The following KYAT3 variants were observed in gnomAD, a reference collection of about 807,000 sequenced individuals.
The protein encoded by KYAT3 is kynurenine--oxoglutarate transaminase 3.
KYAT3 carries 50 observed loss-of-function variants against 59.0 expected under a neutral mutation model. The ratio of observed to expected loss-of-function variants is 0.85; its 90% confidence interval spans 0.68 to 1.07. The LOEUF (loss-of-function observed/expected upper bound fraction) is 1.07. Among genes scored for constraint, KYAT3 ranks in the 50% least tolerant of loss-of-function variants. KYAT3 has a pLI of 0.00. For synonymous variants in KYAT3, 148 were observed against 177.0 expected (o/e 0.84, Z 1.30); for missense variants, 497 against 533.3 (o/e 0.93, Z 0.67).
chr1:88,946,325 ATT>A (rs11321436), intron 11 of KYAT3, among the ~76,000 whole-genome samples: 435 of 147,700 alleles, frequency 2.9e-3, no homozygotes, highest in Admixed American at 3.3e-3. Flanking sequence ...TGTGTAACTG[ATT>A]TTTTTTTTTT....
At chr1:88,958,503 C>T (rs1405038535) in intron 8 of KYAT3, among the ~76,000 whole-genome samples, 1 of 151,810 alleles carries the variant, frequency 6.6e-6, no homozygotes, top group South Asian at 2.1e-4. Context: ...AGTAAGCTCA[C>T]TGGCACTCTG....
chr1:88,924,287 G>T, the KYAT3 span, among the ~76,000 whole-genome samples: 7 of 152,212 alleles, frequency 4.6e-5, no homozygotes, highest in African/African-American at 1.7e-4. Context: ...TCACAAGGAG[G>T]CACACACTCT....
intron 2 of KYAT3, among the ~76,000 whole-genome samples, chr1:88,986,244 C>G (rs1232821254): frequency 6.6e-6 from 1 of 150,634 alleles, no homozygotes; most frequent in Non-Finnish European, 1.5e-5. Flanking sequence ...AAGGACAGAC[C>G]TAAGGAAAAG....
intron 9 of KYAT3, among the ~76,000 whole-genome samples, chr1:88,954,186 C>T (rs1675809443): frequency 1.3e-5 from 2 of 152,208 alleles, no homozygotes; most frequent in South Asian, 4.1e-4. Flanking sequence ...GCGTGCGCTA[C>T]CACGCCTGGC....
At chr1:88,984,073 T>C in intron 2 of KYAT3, 1 of 567,830 alleles carries the variant, frequency 1.8e-6, no homozygotes. Flanking sequence ...GTTCCTGTAA[T>C]GGTGGAAGAA....
intron 2 of KYAT3, chr1:88,981,225 T>C (rs1273582440): frequency 6.6e-6 from 1 of 152,244 alleles, no homozygotes; most frequent in Non-Finnish European, 1.5e-5. Context: ...AGTTTTATTC[T>C]ACAACTAAAC....
At chr1:88,942,546 A>C (rs1163202369) in intron 13 of KYAT3, among the ~76,000 whole-genome samples, 1 of 151,974 alleles carries the variant, frequency 6.6e-6, no homozygotes, top group East Asian at 1.9e-4. Context: ...AAAAGTGTTG[A>C]ATTTTATTTT....
intron 2 of KYAT3, chr1:88,982,890 AATC>A (rs763336239): frequency 4.3e-6 from 7 of 1,613,952 alleles, no homozygotes; most frequent in South Asian, 1.1e-5. Context: ...GAGCTGCTAT[AATC>A]ATCATAGCGA....
Position 88,968,889 on chromosome 1 carries a change from A to T in KYAT3, c.159-75T>A. 1.2e-5 allele frequency: 13 copies of T among 1,130,134 alleles called. No individual in the cohort carries two copies. In the South Asian group the frequency reaches 2.1e-4, roughly 18 times the overall value. 70.0% of individuals were successfully genotyped at this position (1,130,134 alleles called of 1,614,324 possible). On this transcript the variant is annotated intron_variant, in intron 3 of 13. Transcript: ENST00000260508. ...TCGCTTTTTTATATCTTATAGTCTT[A>T]CCACAAAACAGACAAATAAGACCCT...
intron 8 of KYAT3, 86 bp downstream of exon 8, chr1:88,961,081 A>T: frequency 7.3e-7 from 1 of 1,364,974 alleles, no homozygotes; most frequent in Non-Finnish European, 1.0e-6. Flanking sequence ...AGACTGTTTT[A>T]GAGTTGGTCT....
downstream of KYAT3, among the ~76,000 whole-genome samples, chr1:88,930,953 G>C (rs560212582): frequency 6.6e-6 from 1 of 152,230 alleles, no homozygotes; most frequent in Admixed American, 6.5e-5. Context: ...GCTTATAGAA[G>C]GACCCCTAGT....
chr1:88,955,002 G>C, intron 9 of KYAT3, 147 bp downstream of exon 9: 1 of 560,088 alleles, frequency 1.8e-6, no homozygotes, highest in South Asian at 2.0e-5. Context: ...CTGGCCTTAA[G>C]TGATCCTCCT....
At chr1:88,968,603 A>ATT in intron 4 of KYAT3, 67 bp downstream of exon 4, 1 of 1,248,818 alleles carries the variant, frequency 8.0e-7, no homozygotes, top group South Asian at 1.8e-5. Flanking sequence ...GGGCACATGC[A>ATT]CACACACAGA....
At chr1:88,929,921 C>T in the KYAT3 span, among the ~76,000 whole-genome samples, 1 of 152,200 alleles carries the variant, frequency 6.6e-6, no homozygotes. Context: ...TAAGGAAACT[C>T]AGAAAGCCAA....
rs1158754204 is a variant in KYAT3, at chr1:88,938,511, C to T, written c.1303-2266G>A. Among the ~76,000 whole-genome samples, 5 of 152,174 alleles carry T rather than the reference C, an allele frequency of 3.3e-5. No individual in the cohort carries two copies. The South Asian group carries it at 6.2e-4, about 19-fold the overall frequency. ...TAAGAGCACAGCACCCAACAGTTAT[C>T]TTTTCTGCTCTTCTCCCTCCTCCCA... On this transcript the variant is annotated intron_variant, in intron 13 of 13. Coordinates refer to ENST00000260508, the MANE Select transcript of KYAT3 (RefSeq NM_001008661.3).
downstream of KYAT3, among the ~76,000 whole-genome samples, chr1:88,930,921 G>A (rs1674894375): frequency 1.3e-5 from 2 of 152,132 alleles, no homozygotes; most frequent in Non-Finnish European, 2.9e-5. Context: ...AGAGCCGCAA[G>A]GCAGGACCCT....
At chr1:88,954,727 T>A (rs1675832746) in intron 9 of KYAT3, among the ~76,000 whole-genome samples, 1 of 152,242 alleles carries the variant, frequency 6.6e-6, no homozygotes, top group Admixed American at 6.5e-5. Context: ...TATAAAAATC[T>A]ATATAAACTG....
At chr1:88,924,407 C>A in the KYAT3 span, among the ~76,000 whole-genome samples, 1 of 152,216 alleles carries the variant, frequency 6.6e-6, no homozygotes, top group Non-Finnish European at 1.5e-5. Context: ...ATCCTCCTCC[C>A]ATTATTTATG....
At chr1:88,939,991 G>A (rs1220810098) in intron 13 of KYAT3, among the ~76,000 whole-genome samples, 1 of 151,976 alleles carries the variant, frequency 6.6e-6, no homozygotes, top group Non-Finnish European at 1.5e-5. Context: ...TCTAACACTT[G>A]TTTTTCCTTG....
Sources: gnomAD v4.1 joint callset for allele counts (sites outside exome capture counted in the v4.1 genomes callset) on GRCh38, gnomAD v4.1.1 for gene constraint, MANE v1.5 for transcripts, NCBI Gene and HGNC (gene_info 2026-07-23, HGNC 2026-07-21) for gene names.